Variants in PAK4 observed in about 807,000 individuals in gnomAD.
The protein encoded by PAK4 is p21 (RAC1) activated kinase 4, also known as serine/threonine-protein kinase PAK 4.
Under a neutral mutation model 53.5 loss-of-function variants are expected in PAK4, and 49 were observed. The ratio of observed to expected loss-of-function variants is 0.92; its 90% confidence interval spans 0.73 to 1.16. PAK4 has a LOEUF of 1.16. Among genes scored for constraint, PAK4 ranks in the 50% most tolerant of loss-of-function variants. PAK4 has a pLI of 0.00. For missense variants in PAK4, 824 were observed against 850.7 expected, an observed-to-expected ratio of 0.97 and a Z score of 0.39; for synonymous variants, 376 against 375.6, an observed-to-expected ratio of 1.00 and a Z score of -0.01.
At chr19:39,148,691 G>C (rs150762005) in intron 1 of PAK4, among the ~76,000 whole-genome samples, 14 of 149,048 alleles carry the variant, frequency 9.4e-5, no homozygotes, top group Admixed American at 7.3e-4. Context: ...TCCTGACCTC[G>C]TGATCCGCCT....
At chr19:39,142,627 A>G (rs1450626639) in intron 1 of PAK4, among the ~76,000 whole-genome samples, 1 of 152,108 alleles carries the variant, frequency 6.6e-6, no homozygotes, top group Non-Finnish European at 1.5e-5. Context: ...TGGCATTAAC[A>G]TGTGGGCCTC....
At chr19:39,181,862 G>A (rs954593393), downstream of PAK4, 1 of 152,274 alleles carries the variant, frequency 6.6e-6, no homozygotes, top group Non-Finnish European at 1.5e-5. Flanking sequence ...GGCTGGAGGT[G>A]TGTTTACAGA....
At chr19:39,163,724 C>T (rs1488036037) in intron 1 of PAK4, among the ~76,000 whole-genome samples, 4 of 152,212 alleles carry the variant, frequency 2.6e-5, no homozygotes, top group Non-Finnish European at 4.4e-5. Context: ...GGCATCTGTG[C>T]CCCGGCTGGG....
chr19:39,162,044 C>G (rs915317950), intron 1 of PAK4, among the ~76,000 whole-genome samples: 15 of 152,168 alleles, frequency 9.9e-5, no homozygotes, highest in Non-Finnish European at 1.9e-4. Context: ...GCTGCAACTT[C>G]CACCTCCCAG....
intron 1 of PAK4, among the ~76,000 whole-genome samples, chr19:39,149,769 T>C (rs1335004575): frequency 1.3e-5 from 2 of 152,088 alleles, no homozygotes; most frequent in Admixed American, 1.3e-4. Flanking sequence ...GGCATGAGAA[T>C]GGCTAGAACC....
rs150762005 is a variant in PAK4 at position 39,148,691 on chromosome 19, G to A, written c.-22-20841G>A. Among the ~76,000 whole-genome samples the A allele has an allele frequency of 6.9e-3, 1,031 of 149,110 alleles. 19 individuals are homozygous for A. The highest frequency in any genetic ancestry group is 0.023 in the African/African-American group (943 of 40,598). ...AAGCTGGTCTTGAACTCCTGACCTCGTGATCCGCCTGCCTCAGCCTCCCAA... is the reference window on the plus strand; with the variant it reads ...AAGCTGGTCTTGAACTCCTGACCTCATGATCCGCCTGCCTCAGCCTCCCAA... On this transcript the variant is annotated intron_variant, in intron 1 of 8. Coordinates refer to ENST00000358301, the Ensembl canonical transcript of PAK4.
Position 39,173,047 on chromosome 19 carries a change from C to G in PAK4, c.334C>G (p.Arg112Gly). The G allele has an allele frequency of 6.5e-7, 1 of 1,549,134 alleles. No homozygotes were observed. Among genetic ancestry groups the G allele is most frequent in the Non-Finnish European group, 8.7e-7 (1 of 1,146,880 alleles). ...CAGCCCGCCGCCGCCCGCCCGTGCCCGCCAGGAAAATGGGATGCCAGAGGA... is the reference window on the plus strand; with the variant it reads ...CAGCCCGCCGCCGCCCGCCCGTGCCGGCCAGGAAAATGGGATGCCAGAGGA... The change falls in exon 3 of 9, where the codon CGC becomes GGC. Residue 112 changes from arginine to glycine, a missense_variant. Around this residue, in one of 2 missense-constraint regions of PAK4, gnomAD observed 478 missense variants for 435.8 expected, o/e 1.10. Transcript: ENST00000358301. This position sits in a 1 kb window ranked among gnomAD's most constrained non-coding sequence, Gnocchi z 6.9.
intron 1 of PAK4, among the ~76,000 whole-genome samples, chr19:39,145,076 CA>C (rs138381357): frequency 1.3e-5 from 2 of 152,166 alleles, no homozygotes; most frequent in Non-Finnish European, 2.9e-5. Context: ...CCAGTGCTAA[CA>C]AAAACATTCT....
At chr19:39,132,489 C>T (rs191899062) in intron 1 of PAK4, among the ~76,000 whole-genome samples, 319 of 152,384 alleles carry the variant, frequency 2.1e-3, no homozygotes, top group Non-Finnish European at 3.9e-3. Flanking sequence ...GCGTTTCCCA[C>T]TCCGAAGCTC....
intron 1 of PAK4, among the ~76,000 whole-genome samples, chr19:39,133,428 C>T (rs112850522): frequency 1.6e-3 from 246 of 152,302 alleles, no homozygotes; most frequent in African/African-American, 5.4e-3. Context: ...CCAAGACACA[C>T]GTGTTCTTAG....
At chr19:39,130,279 G>A (rs1192711088) in intron 1 of PAK4, among the ~76,000 whole-genome samples, 2 of 150,250 alleles carry the variant, frequency 1.3e-5, no homozygotes, top group African/African-American at 2.4e-5. Context: ...GGAAACCCAG[G>A]CAGAGGGGTC....
chr19:39,154,069 G>GTCAT (rs373698384), intron 1 of PAK4, among the ~76,000 whole-genome samples: 67 of 152,270 alleles, frequency 4.4e-4, no homozygotes, highest in African/African-American at 1.4e-3. Context: ...TGTAGCTGTA[G>GTCAT]TCATTCATTC....
chr19:39,161,538 GCCT>G lies in PAK4; in HGVS notation c.-22-7985_-22-7983del, dbSNP rs2074284101. 6.6e-6 allele frequency among the ~76,000 whole-genome samples: 1 copy of G among 151,018 alleles called. No individual in the cohort carries two copies. The highest frequency in any genetic ancestry group is 2.0e-4 in the East Asian group (1 of 5,108). ...CCTTGATTTCCACTGGGCCATCACA[GCCT>G]CCTCCTCCCTGGTCCCCCTTTCCGT... is the stretch of plus-strand genomic sequence containing the variant. On this transcript the variant is annotated intron_variant, in intron 1 of 8. Coordinates refer to ENST00000358301, the Ensembl canonical transcript of PAK4. The surrounding 1 kb of genome is among the most constrained non-coding windows in gnomAD (Gnocchi z 4.5).
chr19:39,163,632 A>T (rs1261044989), intron 1 of PAK4, among the ~76,000 whole-genome samples: 1 of 152,166 alleles, frequency 6.6e-6, no homozygotes, highest in African/African-American at 2.4e-5. Flanking sequence ...AATTCAAAAG[A>T]TTTTTTAAAA....
At chr19:39,127,700 C>T (rs949896048) in intron 1 of PAK4, among the ~76,000 whole-genome samples, 35 of 152,096 alleles carry the variant, frequency 2.3e-4, no homozygotes, top group Non-Finnish European at 2.6e-4. Flanking sequence ...GGAACCAGCC[C>T]CCAAGCCAGT....
chr19:39,149,851 G>C (rs1254988726), intron 1 of PAK4, among the ~76,000 whole-genome samples: 1 of 152,058 alleles, frequency 6.6e-6, no homozygotes, highest in Non-Finnish European at 1.5e-5. Context: ...GAGAGACTCT[G>C]TCTCTAAATA....
intron 1 of PAK4, among the ~76,000 whole-genome samples, chr19:39,154,664 T>C (rs939016274): frequency 1.1e-4 from 16 of 152,192 alleles, no homozygotes; most frequent in African/African-American, 2.7e-4. Context: ...TCTCCGTCCA[T>C]TGGGGACCTC....
rs752635278 is a variant in PAK4, at chr19:39,172,805, G to A, written c.205-113G>A. 28 of 896,924 alleles carry A rather than the reference G, an allele frequency of 3.1e-5. 1 individual carries two copies. Among genetic ancestry groups the A allele is most frequent in the African/African-American group, 8.4e-5 (5 of 59,366 alleles). The allele number at this position is 896,924 out of a possible 1,614,324, so 55.6% of individuals were successfully genotyped here. A position where few individuals can be genotyped will look rare whatever the true frequency, so the allele number is the denominator to read the frequency against. On this transcript the variant is annotated intron_variant, in intron 2 of 8. Transcript: ENST00000358301. ...TCACTCCATGGCATCTCTTCATTGC[G>A]TCTCTGTCTTGTCTCTGTGTGTGTC...
chr19:39,181,073 GTTTGT>G (rs59532686), downstream of PAK4: 265 of 151,664 alleles, frequency 1.7e-3, no homozygotes, highest in Non-Finnish European at 3.1e-3. Context: ...CTCACTGCAG[GTTTGT>G]TTTGTTTTGT....
Sources: allele counts gnomAD v4.1 joint callset (sites outside exome capture counted in the v4.1 genomes callset), GRCh38; gene constraint gnomAD v4.1.1; regional missense constraint gnomAD v4.1.1; non-coding constraint Gnocchi (gnomAD v3.1); transcripts MANE v1.5; gene names NCBI Gene and HGNC (gene_info 2026-07-23, HGNC 2026-07-21).